The following BRPF1 variants were observed in gnomAD, a reference collection of about 807,000 sequenced individuals.
The protein encoded by BRPF1 is peregrin.
In BRPF1, 15 loss-of-function variants were observed where a neutral mutation model predicts 115.0. The observed-to-expected ratio is 0.13, with a 90% CI of 0.09 to 0.20. BRPF1 has a LOEUF of 0.20. BRPF1 is among the 10% of genes least tolerant of loss of function. The probability of loss-of-function intolerance (pLI) is 1.00; values close to 1 mark genes in which losing one functional copy is unlikely to be tolerated. For synonymous variants in BRPF1, 647 were observed against 619.8 expected (o/e 1.04, Z -0.65); for missense variants, 1,118 against 1,638.3 (o/e 0.68, Z 5.48).
intron 1 of BRPF1, among the ~76,000 whole-genome samples, 182 bp downstream of exon 1, chr3:9,732,320 C>T (rs2076866411): frequency 1.3e-5 from 2 of 152,192 alleles, no homozygotes; most frequent in Admixed American, 6.5e-5. Context: ...CGGGGCTGCC[C>T]GGGCTAGTGG....
At position 9,745,261 on chromosome 3, in the gene BRPF1, A is replaced by G. The variant is rs1043910535; in HGVS notation, c.3068+106A>G. 6.6e-6 allele frequency: 9 copies of G among 1,359,768 alleles called. No individual in the cohort carries two copies. Among genetic ancestry groups the G allele is most frequent in the Non-Finnish European group, 8.9e-6 (9 of 1,009,976 alleles). 84.2% of individuals were successfully genotyped at this position (1,359,768 alleles called of 1,614,324 possible). A position where few individuals can be genotyped will look rare whatever the true frequency, so the allele number is the denominator to read the frequency against. ...AGTGGGGTGGCAGCCATCTCAGTCT[A>G]GATTAAGATGGCTCAAACTCAAGGT... On this transcript the variant is annotated intron_variant, in intron 10 of 13. Coordinates refer to ENST00000383829, the MANE Select transcript of BRPF1 (RefSeq NM_001003694.2). This position sits in a 1 kb window ranked among gnomAD's most constrained non-coding sequence, Gnocchi z 5.1.
chr3:9,736,070 G>A (rs2076936322), intron 2 of BRPF1, among the ~76,000 whole-genome samples: 1 of 144,332 alleles, frequency 6.9e-6, no homozygotes, highest in African/African-American at 2.6e-5. Flanking sequence ...GGAGTGCAGT[G>A]GCGTGATCTC....
chr3:9,733,476 G>C (rs159146), intron 1 of BRPF1: 42 of 152,120 alleles, frequency 2.8e-4, no homozygotes, highest in African/African-American at 9.9e-4. Context: ...CCCAGTCCAG[G>C]GGGGAGACAA....
intron 6 of BRPF1, chr3:9,742,486 T>C: frequency 1.0e-6 from 1 of 985,404 alleles, no homozygotes; most frequent in Non-Finnish European, 1.2e-6. Flanking sequence ...GCTCAGCACC[T>C]AAAGAACCAG....
rs2077114746 is a variant in BRPF1 at position 9,745,787 on chromosome 3, C to A, written c.3206-25C>A. ...CGCCAGCCCCCCAGCTGCTGATCCA[C>A]CCCCTCTCCCCCATTCCTGTGAAGT... On this transcript the variant is annotated intron_variant, in intron 11 of 13. Transcript: ENST00000383829. The surrounding 1 kb of genome is among the most constrained non-coding windows in gnomAD (Gnocchi z 5.1). 5 of 1,611,690 alleles carry A rather than the reference C, an allele frequency of 3.1e-6. No homozygotes were observed. The highest frequency in any genetic ancestry group is 4.2e-6 in the Non-Finnish European group (5 of 1,178,112).
rs764008749 is a variant in BRPF1 at position 9,739,737 on chromosome 3, C to T, written c.1338C>T (p.Ile446=). The change falls in exon 3 of 14, where the codon ATC becomes ATT. Residue 446 remains isoleucine (I), a synonymous_variant. Coordinates refer to ENST00000383829, the MANE Select transcript of BRPF1 (RefSeq NM_001003694.2). ...FSVRKTAYCD[I]HTPPGSARRL... ...TCCGCAAGACAGCCTACTGCGACAT[C>T]CACACGCCTCCAGGTTCAGCACGCC... The T allele has an allele frequency of 1.9e-6, 3 of 1,614,202 alleles. No homozygotes were observed. The highest frequency in any genetic ancestry group is 3.3e-5 in the Admixed American group (2 of 60,028).
At chr3:9,735,900 T>C (rs2076931616) in intron 2 of BRPF1, among the ~76,000 whole-genome samples, 2 of 152,172 alleles carry the variant, frequency 1.3e-5, no homozygotes, top group Non-Finnish European at 2.9e-5. Flanking sequence ...AAGTTTGTTT[T>C]CAGCTACTTA....
At chr3:9,746,085 T>C (rs1427545645) in intron 12 of BRPF1, among the ~76,000 whole-genome samples, 155 bp downstream of exon 12, 1 of 152,146 alleles carries the variant, frequency 6.6e-6, no homozygotes, top group African/African-American at 2.4e-5. Context: ...ACTTAGAGGC[T>C]CCCACTCAGT....
chr3:9,742,288 G>A, intron 6 of BRPF1, 117 bp downstream of exon 6: 1 of 1,523,402 alleles, frequency 6.6e-7, no homozygotes, highest in Non-Finnish European at 8.8e-7. Context: ...GGTGGCTCTG[G>A]GGCAGGATGA....
intron 4 of BRPF1, 90 bp from the exon 5 acceptor site, chr3:9,741,218 G>A: frequency 6.8e-7 from 1 of 1,465,428 alleles, no homozygotes; most frequent in African/African-American, 1.4e-5. Flanking sequence ...CCCTCTTTTG[G>A]CTTGACCTGA....
rs1462407321 is a variant in BRPF1, at chr3:9,743,004, T to C, written c.2062T>C (p.Leu688=). 1 of 1,614,076 alleles carries C rather than the reference T, an allele frequency of 6.2e-7. No individual in the cohort carries two copies. The highest frequency in any genetic ancestry group is 1.3e-5 in the African/African-American group (1 of 74,924). The change falls in exon 7 of 14, where the codon TTG becomes CTG. Residue 688 remains leucine (L), a synonymous_variant. Transcript: ENST00000383829. The surrounding 1 kb of genome is among the most constrained non-coding windows in gnomAD (Gnocchi z 6.1). Reference sequence around the variant, plus strand: ...GGACTTTTTCACCATGAAGCAGAACTTGGAGGCTTACCGCTACCTGAATTT... The same window carrying C: ...GGACTTTTTCACCATGAAGCAGAACCTGGAGGCTTACCGCTACCTGAATTT... The part of the protein sequence containing the change: ...PMDFFTMKQN[L]EAYRYLNFDD...
intron 2 of BRPF1, among the ~76,000 whole-genome samples, chr3:9,738,754 G>T (rs954663674): frequency 6.6e-6 from 1 of 152,212 alleles, no homozygotes; most frequent in Non-Finnish European, 1.5e-5. Context: ...TCACATCCCA[G>T]CTCCACCACT....
rs777944933 is a variant in BRPF1, at chr3:9,746,322, G to A, written c.3347G>A (p.Arg1116Gln). 14 of 1,577,704 alleles carry A rather than the reference G, an allele frequency of 8.9e-6. No individual in the cohort carries two copies. The highest frequency in any genetic ancestry group is 2.7e-5 in the African/African-American group (2 of 73,486). Residue 1116 changes from arginine (R) to glutamine (Q), a missense_variant, in exon 13 of 14, where the codon CGA becomes CAA. This residue lies in a region of BRPF1 where 76 missense variants were observed against 166.1 expected (regional missense o/e 0.46). Coordinates refer to ENST00000383829, the MANE Select transcript of BRPF1 (RefSeq NM_001003694.2). ...PALIIDPKMP[R>Q]EGMFHHGVPI... Reference sequence around the variant, plus strand: ...CAGATCATTGATCCAAAGATGCCCCGAGAAGGTATGTTCCACCATGGGGTT... The same window carrying A: ...CAGATCATTGATCCAAAGATGCCCCAAGAAGGTATGTTCCACCATGGGGTT...
rs772800154 is a variant in BRPF1, at chr3:9,744,431, G to A, written c.2843G>A (p.Arg948His). ...CCCATCATGAGTTCCCTGCGTCAGC[G>A]CAAGCGGGGTAGGAGCCCCCGGCCC... is the stretch of plus-strand genomic sequence containing the variant. Reference protein sequence around the residue: ...QLPIMSSLRQRKRGRSPRPSS... With the variant: ...QLPIMSSLRQHKRGRSPRPSS... The change falls in exon 9 of 14, where the codon CGC (arginine) becomes CAC (histidine). Residue 948 changes from arginine (R) to histidine (H), a missense_variant. Physicochemically the swap from Arg to His is conservative, Grantham distance 29. Around this residue, in one of 10 missense-constraint regions of BRPF1, gnomAD observed 92 missense variants for 102.2 expected, o/e 0.90. Transcript: ENST00000383829. The A allele has an allele frequency of 8.1e-6, 13 of 1,609,988 alleles. No individual in the cohort carries two copies. Among genetic ancestry groups the A allele is most frequent in the East Asian group, 4.5e-5 (2 of 44,690 alleles).
rs1441324277 is a variant in BRPF1, at chr3:9,739,082, T to C, written c.683T>C (p.Met228Thr). Residue 228 changes from methionine to threonine, a missense_variant, in exon 3 of 14, where the codon ATG (methionine) becomes ACG (threonine). Physicochemically the swap from Met to Thr is moderately conservative, Grantham distance 81. Around this residue, in one of 10 missense-constraint regions of BRPF1, gnomAD observed 280 missense variants for 382.8 expected, o/e 0.73. Transcript: ENST00000383829. ...DEEDYIWLDI[M>T]NERRKTEGVS... ...GAGGACTACATCTGGCTGGATATCATGAATGAGCGTCGGAAGACAGAGGGT... is the reference window on the plus strand; with the variant it reads ...GAGGACTACATCTGGCTGGATATCACGAATGAGCGTCGGAAGACAGAGGGT... 1 of 1,613,478 alleles carries C rather than the reference T, an allele frequency of 6.2e-7. No homozygotes were observed. The highest frequency in any genetic ancestry group is 8.5e-7 in the Non-Finnish European group (1 of 1,179,620).
In BRPF1 at chr3:9,743,436, C is replaced by A. The variant is rs2077065459; in HGVS notation, c.2312-142C>A. On this transcript the variant is annotated intron_variant, in intron 7 of 13. Transcript: ENST00000383829. The surrounding 1 kb of genome is among the most constrained non-coding windows in gnomAD (Gnocchi z 6.1). ...TGAATGGATAGCAGTGCCCGCCATT[C>A]CACATCTTGGTGCTGCTATTTTACA... 1.6e-6 allele frequency: 2 copies of A among 1,213,850 alleles called. No individual in the cohort carries two copies. The highest frequency in any genetic ancestry group is 4.9e-5 in the East Asian group (2 of 40,414). 75.2% of individuals were successfully genotyped at this position (1,213,850 alleles called of 1,614,324 possible). A position where few individuals can be genotyped will look rare whatever the true frequency, so the allele number is the denominator to read the frequency against.
chr3:9,741,209 C>T (rs1414288735), intron 4 of BRPF1, 99 bp from the exon 5 acceptor site: 1 of 1,411,522 alleles, frequency 7.1e-7, no homozygotes, highest in South Asian at 1.4e-5. Flanking sequence ...TACTGTGCTC[C>T]CTCTTTTGGC....
intron 2 of BRPF1, among the ~76,000 whole-genome samples, chr3:9,735,571 C>A (rs1366120718): frequency 6.6e-6 from 1 of 152,202 alleles, no homozygotes. Flanking sequence ...TCATAAGGTA[C>A]TAAAAGCACT....
At chr3:9,742,820 T>C (rs2077053786) in intron 6 of BRPF1, 124 bp from the exon 7 acceptor site, 2 of 1,075,572 alleles carry the variant, frequency 1.9e-6, no homozygotes, top group African/African-American at 1.6e-5. Context: ...CTGTGCTATA[T>C]GCCTGCCTCT....
Sources: allele counts gnomAD v4.1 joint callset (sites outside exome capture counted in the v4.1 genomes callset), GRCh38; gene constraint gnomAD v4.1.1; regional missense constraint gnomAD v4.1.1; non-coding constraint Gnocchi (gnomAD v3.1); transcripts MANE v1.5; gene names NCBI Gene and HGNC (gene_info 2026-07-23, HGNC 2026-07-21).